The following HDAC4 variants were observed in gnomAD, a reference collection of about 807,000 sequenced individuals.
The protein encoded by HDAC4 is histone deacetylase 4, also known as histone deacetylase A.
In HDAC4, 16 loss-of-function variants were observed where a neutral mutation model predicts 135.1. That is an observed-to-expected ratio of 0.12 (90% CI 0.08 to 0.18). The LOEUF (loss-of-function observed/expected upper bound fraction) is 0.18, where lower values mean the gene tolerates loss of function less well. HDAC4 is among the 10% of genes least tolerant of loss of function. The pLI, the probability that HDAC4 is intolerant of heterozygous loss-of-function variation, is 1.00. For missense variants in HDAC4, 1,143 were observed against 1,511.8 expected (o/e 0.76, Z 4.05); for synonymous variants, 685 against 653.4 (o/e 1.05, Z -0.74).
intron 17 of HDAC4, 184 bp downstream of exon 17, chr2:239,094,826 C>T (rs1453140247): frequency 6.8e-7 from 1 of 1,479,852 alleles, no homozygotes. Flanking sequence ...GAGAAAGGTG[C>T]CCGAGTCGGC....
At chr2:239,375,517 C>T (rs1013268574) in intron 1 of HDAC4, among the ~76,000 whole-genome samples, 6 of 152,206 alleles carry the variant, frequency 3.9e-5, no homozygotes, top group African/African-American at 1.4e-4. Context: ...ACCAGGGCAA[C>T]ACCACTGACC....
intron 2 of HDAC4, among the ~76,000 whole-genome samples, chr2:239,264,618 C>G (rs1018868839): frequency 4.6e-5 from 7 of 152,158 alleles, no homozygotes; most frequent in African/African-American, 7.2e-5. Flanking sequence ...CCCTAGGGCT[C>G]GCAGCCTGAA....
chr2:239,277,874 C>T (rs2050464639), intron 2 of HDAC4, among the ~76,000 whole-genome samples: 1 of 152,182 alleles, frequency 6.6e-6, no homozygotes, highest in African/African-American at 2.4e-5. Flanking sequence ...AGAATACTCT[C>T]CGCTCAGCAG....
chr2:239,338,191 G>A (rs1193449361), intron 2 of HDAC4, among the ~76,000 whole-genome samples: 2 of 152,168 alleles, frequency 1.3e-5, no homozygotes, highest in African/African-American at 2.4e-5. Flanking sequence ...TTTTATCTCA[G>A]TCCCAAAATG....
At chr2:239,158,971 T>C (rs1327033025) in intron 6 of HDAC4, among the ~76,000 whole-genome samples, 1 of 151,710 alleles carries the variant, frequency 6.6e-6, no homozygotes, top group East Asian at 1.9e-4. Context: ...ATCACACAAC[T>C]ATTCACACCC....
chr2:239,140,554 T>G (rs910606552), intron 8 of HDAC4, among the ~76,000 whole-genome samples: 1 of 152,218 alleles, frequency 6.6e-6, no homozygotes, highest in Non-Finnish European at 1.5e-5. Flanking sequence ...ATATGTTTAG[T>G]TTAACGGCAT....
At position 239,094,353 on chromosome 2, in the gene HDAC4, T is replaced by C. The variant is rs773306711; in HGVS notation, c.2280+657A>G. The C allele has an allele frequency of 2.4e-4, 232 of 985,354 alleles. 2 individuals are homozygous for C. Among genetic ancestry groups the C allele is most frequent in the Non-Finnish European group, 2.6e-4 (215 of 829,946 alleles). The allele number at this position is 985,354 out of a possible 1,614,324, so 61.0% of individuals were successfully genotyped here. ...CTTCCTGTGTGGACGGATGGGCAGATGCCCAGACTGGAAAGTCCTTGTGAA... is the reference window on the plus strand; with the variant it reads ...CTTCCTGTGTGGACGGATGGGCAGACGCCCAGACTGGAAAGTCCTTGTGAA... On this transcript the variant is annotated intron_variant, in intron 17 of 26. Coordinates refer to ENST00000543185, the MANE Select transcript of HDAC4 (RefSeq NM_001378414.1).
chr2:239,250,510 T>TGGA (rs2048727572), intron 2 of HDAC4, among the ~76,000 whole-genome samples: 1 of 138,218 alleles, frequency 7.2e-6, no homozygotes, highest in African/African-American at 2.7e-5. Flanking sequence ...TGCCACTGGC[T>TGGA]GGAGCCTCCA....
chr2:239,068,730 C>T lies in HDAC4; in HGVS notation c.2751-123G>A. On this transcript the variant is annotated intron_variant, in intron 22 of 26. Transcript: ENST00000543185. The surrounding 1 kb of genome is among the most constrained non-coding windows in gnomAD (Gnocchi z 4.4). ...CCGCACCCCCTCGGCCACTGGCGGGCTGAGGGCTCCACACAGCAGGCTGGA... is the reference window on the plus strand; with the variant it reads ...CCGCACCCCCTCGGCCACTGGCGGGTTGAGGGCTCCACACAGCAGGCTGGA... 1 of 831,090 alleles carries T rather than the reference C, an allele frequency of 1.2e-6. No homozygotes were observed. The highest frequency in any genetic ancestry group is 2.1e-6 in the Non-Finnish European group (1 of 478,926). The allele number at this position is 831,090 out of a possible 1,614,324, so 51.5% of individuals were successfully genotyped here.
At chr2:239,366,938 C>T (rs913067446) in intron 1 of HDAC4, among the ~76,000 whole-genome samples, 1 of 148,156 alleles carries the variant, frequency 6.7e-6, no homozygotes, top group Non-Finnish European at 1.5e-5. Context: ...TGCACCCAAG[C>T]ACGCGTAGCT....
intron 7 of HDAC4, among the ~76,000 whole-genome samples, chr2:239,155,804 CCA>C (rs2042390040): frequency 1.3e-5 from 2 of 152,312 alleles, no homozygotes; most frequent in South Asian, 4.1e-4. Context: ...TTGGGATTTC[CCA>C]CACTGTCTTG....
chr2:239,389,305 C>T (rs544370259), intron 1 of HDAC4, among the ~76,000 whole-genome samples: 1 of 152,294 alleles, frequency 6.6e-6, no homozygotes, highest in East Asian at 1.9e-4. Context: ...TCGATCTCCA[C>T]AATAAATCTT....
chr2:239,337,005 A>G (rs1359676650), intron 2 of HDAC4, among the ~76,000 whole-genome samples: 1 of 152,166 alleles, frequency 6.6e-6, no homozygotes, highest in Non-Finnish European at 1.5e-5. Context: ...GCAAGAGTAG[A>G]CTGTAGGAAG....
At chr2:239,053,395 T>G in intron 26 of HDAC4, 65 bp downstream of exon 26, 8 of 1,582,726 alleles carry the variant, frequency 5.1e-6, no homozygotes, top group Non-Finnish European at 6.9e-6. Flanking sequence ...TGACCCTGAA[T>G]AGTGTGTCAG....
chr2:239,359,225 C>CA (rs1693705376), intron 1 of HDAC4, among the ~76,000 whole-genome samples: 2 of 152,212 alleles, frequency 1.3e-5, no homozygotes, highest in African/African-American at 4.8e-5. Flanking sequence ...GCTTCAACGC[C>CA]AGCCAACACC....
At chr2:239,244,022 T>C (rs1201724505) in intron 2 of HDAC4, among the ~76,000 whole-genome samples, 1 of 152,120 alleles carries the variant, frequency 6.6e-6, no homozygotes, top group Non-Finnish European at 1.5e-5. Context: ...CTTGGGTATT[T>C]TATAGAATGT....
intron 2 of HDAC4, among the ~76,000 whole-genome samples, chr2:239,275,387 C>T (rs893636632): frequency 2.0e-5 from 3 of 152,238 alleles, no homozygotes; most frequent in African/African-American, 4.8e-5. Flanking sequence ...CACCCAGAAA[C>T]GGCAGGAGCC....
At chr2:239,092,905 C>A (rs759561891) in intron 17 of HDAC4, among the ~76,000 whole-genome samples, 2 of 151,952 alleles carry the variant, frequency 1.3e-5, no homozygotes, top group Non-Finnish European at 2.9e-5. Context: ...CTCTCCTCTC[C>A]TTTTCTCTCT....
intron 1 of HDAC4, among the ~76,000 whole-genome samples, chr2:239,376,490 G>A (rs1037773841): frequency 6.6e-6 from 1 of 151,452 alleles, no homozygotes; most frequent in Non-Finnish European, 1.5e-5. Flanking sequence ...TCACCACCGC[G>A]CCATCAGAGG....
Sources: gnomAD v4.1 joint callset for allele counts (sites outside exome capture counted in the v4.1 genomes callset) on GRCh38, gnomAD v4.1.1 for gene constraint, Gnocchi (gnomAD v3.1) non-coding constraint, MANE v1.5 for transcripts, NCBI Gene and HGNC (gene_info 2026-07-23, HGNC 2026-07-21) for gene names.